ADRA1A: variants seen among roughly 807,000 people sequenced by gnomAD.
The protein encoded by ADRA1A is alpha-1A adrenergic receptor.
In ADRA1A, 31 loss-of-function variants were observed where a neutral mutation model predicts 29.6. The ratio of observed to expected loss-of-function variants is 1.05; its 90% CI spans 0.79 to 1.41. The LOEUF is 1.41. ADRA1A is among the 40% of genes most tolerant of loss of function. The pLI is 0.00. For synonymous variants in ADRA1A, 311 were observed against 254.3 expected (o/e 1.22, Z -2.12); for missense variants, 619 against 601.1 (o/e 1.03, Z -0.31).
At chr8:26,810,399 A>G (rs565042730) in intron 2 of ADRA1A, among the ~76,000 whole-genome samples, 1 of 152,188 alleles carries the variant, frequency 6.6e-6, no homozygotes, top group Non-Finnish European at 1.5e-5. Flanking sequence ...GGGGAGAGAG[A>G]TTGCATGTGT....
In ADRA1A at chr8:26,796,598, C is replaced by T. The variant is rs1178251018; in HGVS notation, c.884-25932G>A. On this transcript the variant is annotated intron_variant, in intron 2 of 2. Transcript: ENST00000380573. This position sits in a 1 kb window ranked among gnomAD's most constrained non-coding sequence, Gnocchi z 5.0. Reference sequence around the variant, plus strand: ...GGAAAGATTCGAGGACAAATGTATCCTACACGTGGCCGCAGAGAACAGACA... The same window carrying T: ...GGAAAGATTCGAGGACAAATGTATCTTACACGTGGCCGCAGAGAACAGACA... 6.6e-6 allele frequency among the ~76,000 whole-genome samples: 1 copy of T among 152,016 alleles called. No homozygotes were observed.
intron 2 of ADRA1A, among the ~76,000 whole-genome samples, chr8:26,808,799 G>A (rs1047576663): frequency 5.3e-5 from 8 of 152,258 alleles, no homozygotes; most frequent in East Asian, 1.9e-4. Context: ...TAACATTTTG[G>A]ACATATGTCC....
chr8:26,861,528 T>C (rs1483778383), intron 2 of ADRA1A, among the ~76,000 whole-genome samples: 2 of 152,142 alleles, frequency 1.3e-5, no homozygotes, highest in African/African-American at 4.8e-5. Context: ...TTTAAAGATG[T>C]TGATATATCC....
downstream of ADRA1A, among the ~76,000 whole-genome samples, chr8:26,761,657 T>C (rs10100043): frequency 0.52 from 78,923 of 152,078 alleles, 21,610 homozygotes; most frequent in East Asian, 0.84. Flanking sequence ...ACCTCCAGAA[T>C]GGTGAGGCAA....
chr8:26,826,065 C>G lies in ADRA1A; in HGVS notation c.883+38022G>C, dbSNP rs1385405482. 2.0e-5 allele frequency among the ~76,000 whole-genome samples: 3 copies of G among 152,226 alleles called. No individual in the cohort carries two copies. In the East Asian group the frequency reaches 5.8e-4, roughly 29 times the overall value. On this transcript the variant is annotated intron_variant, in intron 2 of 2. Transcript: ENST00000380573. The stretch of plus-strand genomic sequence containing the variant: ...TCATGGAGATCATGAACAGAGGGTG[C>G]ATTCCAGCTGAGCTAGTACTTCCTG...
chr8:26,844,471 C>T (rs1378184647), intron 2 of ADRA1A, among the ~76,000 whole-genome samples: 1 of 152,012 alleles, frequency 6.6e-6, no homozygotes, highest in Non-Finnish European at 1.5e-5. Flanking sequence ...TACAAAGCTA[C>T]AGTAATCAAA....
chr8:26,811,190 C>CTTTT lies in ADRA1A; in HGVS notation c.884-40528_884-40525dup, dbSNP rs1226269478. Reference sequence around the variant, plus strand: ...TGGGTCTCACTGTCTAGCTTTCTTTCTTTTCTTTTTTTTTTTTGTTGAGAC... The same window carrying CTTTT: ...TGGGTCTCACTGTCTAGCTTTCTTTCTTTTTTTTCTTTTTTTTTTTTGTTGAGAC... On this transcript the variant is annotated intron_variant, in intron 2 of 2. Transcript: ENST00000380573. 9.1e-5 allele frequency among the ~76,000 whole-genome samples: 13 copies of CTTTT among 142,810 alleles called. 1 individual carries two copies. The highest frequency in any genetic ancestry group is 1.2e-4 in the Non-Finnish European group (8 of 65,914). 93.7% of individuals were successfully genotyped at this position (142,810 alleles called of 152,430 possible). A position where few individuals can be genotyped will look rare whatever the true frequency, so the allele number is the denominator to read the frequency against.
chr8:26,844,413 A>G (rs560897103), intron 2 of ADRA1A, among the ~76,000 whole-genome samples: 1 of 152,302 alleles, frequency 6.6e-6, no homozygotes, highest in African/African-American at 2.4e-5. Context: ...AGTTTCTATT[A>G]AACTTTTAGA....
chr8:26,818,709 C>T (rs989993023), intron 2 of ADRA1A, among the ~76,000 whole-genome samples: 4 of 151,616 alleles, frequency 2.6e-5, no homozygotes, highest in Non-Finnish European at 4.4e-5. Context: ...AGGTACAGAG[C>T]GTCAACAGCA....
downstream of ADRA1A, among the ~76,000 whole-genome samples, chr8:26,753,418 T>C (rs1423240484): frequency 2.8e-4 from 41 of 148,950 alleles, no homozygotes; most frequent in Admixed American, 2.8e-3. Flanking sequence ...ATCTACCCTA[T>C]TTATTGTTAT....
intron 2 of ADRA1A, among the ~76,000 whole-genome samples, chr8:26,803,666 T>C (rs563261878): frequency 9.2e-5 from 14 of 152,160 alleles, no homozygotes; most frequent in African/African-American, 3.4e-4. Context: ...ACAGACAATA[T>C]AAATTTCTAA....
chr8:26,779,411 T>A (rs1414964421), intron 2 of ADRA1A: 2 of 702,346 alleles, frequency 2.8e-6, no homozygotes, highest in African/African-American at 3.5e-5. Context: ...TTTTTCCTTC[T>A]TGGGCCTCAG....
intron 2 of ADRA1A, among the ~76,000 whole-genome samples, chr8:26,832,735 C>A (rs927376293): frequency 4.6e-5 from 7 of 152,120 alleles, no homozygotes; most frequent in Non-Finnish European, 1.0e-4. Flanking sequence ...GGTTTGCCTG[C>A]AGGAGGATGT....
rs942703349 is a variant in ADRA1A, at chr8:26,796,634, A to G, written c.884-25968T>C. 6.6e-6 allele frequency among the ~76,000 whole-genome samples: 1 copy of G among 152,168 alleles called. No individual in the cohort carries two copies. Among genetic ancestry groups the G allele is most frequent in the Non-Finnish European group, 1.5e-5 (1 of 68,018 alleles). ...CGCAGAGAACAGACACCATGGGGAC[A>G]TATGAGACAGTGGAGTGGAGGGTAT... On this transcript the variant is annotated intron_variant, in intron 2 of 2. Transcript: ENST00000380573. This position sits in a 1 kb window ranked among gnomAD's most constrained non-coding sequence, Gnocchi z 5.0.
intron 2 of ADRA1A, among the ~76,000 whole-genome samples, chr8:26,813,045 T>C (rs1355352184): frequency 6.7e-6 from 1 of 149,416 alleles, no homozygotes; most frequent in African/African-American, 2.6e-5. Context: ...AGAGTTGCGC[T>C]ATCGTCTAAC....
intron 2 of ADRA1A, among the ~76,000 whole-genome samples, chr8:26,819,752 A>G (rs1810025098): frequency 6.6e-6 from 1 of 152,232 alleles, no homozygotes; most frequent in Admixed American, 6.5e-5. Context: ...GTAAGTAGCT[A>G]TCTATCAATA....
At chr8:26,751,105 T>C (rs950144619) in intron 2 of ADRA1A, among the ~76,000 whole-genome samples, 2 of 151,692 alleles carry the variant, frequency 1.3e-5, no homozygotes, top group Non-Finnish European at 2.9e-5. Context: ...TTGTTTCCCA[T>C]TTGGCTCTTG....
chr8:26,857,819 G>C (rs1169469879), intron 2 of ADRA1A, among the ~76,000 whole-genome samples: 1 of 152,224 alleles, frequency 6.6e-6, no homozygotes, highest in African/African-American at 2.4e-5. Flanking sequence ...GGCATCCGCA[G>C]AGGGTTTGGG....
At chr8:26,788,925 G>A (rs749913285) in intron 2 of ADRA1A, among the ~76,000 whole-genome samples, 1 of 152,066 alleles carries the variant, frequency 6.6e-6, no homozygotes, top group African/African-American at 2.4e-5. Context: ...AAATTTTATG[G>A]TTAAAAATAT....
Sources: allele counts gnomAD v4.1 joint callset (sites outside exome capture counted in the v4.1 genomes callset), GRCh38; gene constraint gnomAD v4.1.1; non-coding constraint Gnocchi (gnomAD v3.1); transcripts MANE v1.5; gene names NCBI Gene and HGNC (gene_info 2026-07-23, HGNC 2026-07-21).